Variants in HEATR4 observed in about 807,000 individuals in gnomAD.
HEATR4 encodes the protein HEAT repeat containing 4.
Under a neutral mutation model 108.8 loss-of-function variants are expected in HEATR4, and 95 were observed. That is an observed-to-expected ratio of 0.87 (90% CI 0.74 to 1.04). HEATR4 has a LOEUF of 1.04. Ranked by LOEUF, HEATR4 falls within the 50% of genes least tolerant of loss-of-function variation. The pLI is 0.00. For synonymous variants in HEATR4, 443 were observed against 459.4 expected (o/e 0.96, Z 0.46); for missense variants, 1,152 against 1,253.8 (o/e 0.92, Z 1.23).
chr14:73,481,025 A>AG (rs1218049591), intron 17 of HEATR4: 1 of 151,870 alleles, frequency 6.6e-6, no homozygotes, highest in Admixed American at 6.6e-5. Flanking sequence ...CAAAAAAAAA[A>AG]GAAAGAAAGA....
chr14:73,580,332 C>T, the HEATR4 span, among the ~76,000 whole-genome samples: 2 of 151,894 alleles, frequency 1.3e-5, no homozygotes, highest in Non-Finnish European at 2.9e-5. Context: ...CTTATGTTGC[C>T]CAGGCTGGTC....
chr14:73,590,130 G>A, the HEATR4 span, among the ~76,000 whole-genome samples: 1 of 152,154 alleles, frequency 6.6e-6, no homozygotes. Flanking sequence ...CTGGCAGCCT[G>A]CTTTTATTCC....
rs1355048360 is a variant in HEATR4 at position 73,509,809 on chromosome 14, CCCATATATATATATATATAT to C, written c.1559-356_1559-337del. Among the ~76,000 whole-genome samples the C allele has an allele frequency of 4.6e-3, 24 of 5,192 alleles. 1 individual carries two copies. Among genetic ancestry groups the C allele is most frequent in the Non-Finnish European group, 5.3e-3 (20 of 3,804 alleles). The allele number at this position is 5,192 out of a possible 152,430, so 3.4% of individuals were successfully genotyped here. Reference sequence around the variant, plus strand: ...AAAAGCAACCAATTTGCCCCATGAGCCCATATATATATATATATATATATATATATATATATATATATATA... The same window carrying C: ...AAAAGCAACCAATTTGCCCCATGAGCATATATATATATATATATATATATA... On this transcript the variant is annotated intron_variant, in intron 7 of 17. Transcript: ENST00000553558.
At chr14:73,619,166 T>C in the HEATR4 span, 3 of 1,495,380 alleles carry the variant, frequency 2.0e-6, no homozygotes, top group Non-Finnish European at 2.7e-6. Context: ...TTGGAGAATG[T>C]AAAATCACTG....
chr14:73,584,866 T>C, the HEATR4 span, among the ~76,000 whole-genome samples: 24,389 of 136,574 alleles, frequency 0.18, 1,921 homozygotes, highest in Non-Finnish European at 0.2. Flanking sequence ...TCAACCCCAA[T>C]TTAGACCAGT....
chr14:73,629,746 G>A, the HEATR4 span, among the ~76,000 whole-genome samples: 418 of 151,614 alleles, frequency 2.8e-3, 1 homozygote, highest in Non-Finnish European at 4.7e-3. Context: ...CCGGGTTCAC[G>A]CCATTCTCCT....
In HEATR4 at chr14:73,547,110, C is replaced by T. The variant is rs1194784223; in HGVS notation, c.-152+11641G>A. On this transcript the variant is annotated intron_variant, in intron 1 of 17. Coordinates refer to ENST00000553558, the MANE Select transcript of HEATR4 (RefSeq NM_001220484.1). ...TCAAAAAAAGAAAAAAGACCCGGTG[C>T]GGTGGCTTACGCCTGTAATCCCAGC... is the stretch of plus-strand genomic sequence containing the variant. Among the ~76,000 whole-genome samples the T allele has an allele frequency of 4.6e-5, 5 of 109,656 alleles. 1 individual carries two copies. Among genetic ancestry groups the T allele is most frequent in the African/African-American group, 8.5e-5 (3 of 35,176 alleles). 71.9% of individuals were successfully genotyped at this position (109,656 alleles called of 152,430 possible).
intron 6 of HEATR4, among the ~76,000 whole-genome samples, chr14:73,513,320 A>T (rs1303567533): frequency 6.6e-6 from 1 of 151,908 alleles, no homozygotes; most frequent in Non-Finnish European, 1.5e-5. Flanking sequence ...TTAGCCAGAC[A>T]TCATGGCACA....
At chr14:73,509,026 C>T (rs1261443883) in intron 8 of HEATR4, among the ~76,000 whole-genome samples, 1 of 151,946 alleles carries the variant, frequency 6.6e-6, no homozygotes, top group Non-Finnish European at 1.5e-5. Flanking sequence ...ACCACCGCAC[C>T]TGGCTAATTT....
At chr14:73,619,840 C>T in the HEATR4 span, 2 of 1,585,254 alleles carry the variant, frequency 1.3e-6, no homozygotes, top group East Asian at 4.5e-5. Context: ...CAAAATATAA[C>T]ATTGTAGCCA....
At chr14:73,518,287 C>G (rs1029763771) in intron 5 of HEATR4, among the ~76,000 whole-genome samples, 22 of 151,792 alleles carry the variant, frequency 1.4e-4, no homozygotes, top group Non-Finnish European at 7.4e-5. Context: ...ACCTGTGATT[C>G]CAGCTACCCT....
rs1409882625 is a variant in HEATR4, at chr14:73,546,145, C to G, written c.-152+12606G>C. 1.8e-5 allele frequency among the ~76,000 whole-genome samples: 2 copies of G among 112,068 alleles called. 1 individual carries two copies. Among genetic ancestry groups the G allele is most frequent in the Non-Finnish European group, 3.8e-5 (2 of 51,996 alleles). 73.5% of individuals were successfully genotyped at this position (112,068 alleles called of 152,430 possible). On this transcript the variant is annotated intron_variant, in intron 1 of 17. Transcript: ENST00000553558. ...TACAGGCGCCCACCACCACACCCAG[C>G]TAAATTTTGTATTTTTAGTAGAGAT...
chr14:73,511,565 A>AAAT lies in HEATR4; in HGVS notation c.1558+440_1558+441insATT, dbSNP rs1465740688. Reference sequence around the variant, plus strand: ...TAAATAAATAAATAAATAAATAAATAAAATAAAATAAAAAAGAATGGGCTC... The same window carrying AAAT: ...TAAATAAATAAATAAATAAATAAATAAATAAATAAAATAAAAAAGAATGGGCTC... On this transcript the variant is annotated intron_variant, in intron 7 of 17. Coordinates refer to ENST00000553558, the MANE Select transcript of HEATR4 (RefSeq NM_001220484.1). 4.2e-3 allele frequency among the ~76,000 whole-genome samples: 524 copies of AAAT among 124,642 alleles called. 2 individuals carry two copies. The highest frequency in any genetic ancestry group is 0.015 in the Middle Eastern group (3 of 202). The allele number at this position is 124,642 out of a possible 152,430, so 81.8% of individuals were successfully genotyped here. A position where few individuals can be genotyped will look rare whatever the true frequency, so the allele number is the denominator to read the frequency against.
At chr14:73,592,012 C>T in the HEATR4 span, 38 of 1,433,768 alleles carry the variant, frequency 2.7e-5, no homozygotes, top group South Asian at 4.4e-5. Flanking sequence ...TGGAACGAGC[C>T]GGTGCGCATT....
chr14:73,508,208 G>A lies in HEATR4; in HGVS notation c.1807C>T (p.Gln603Ter). The change falls in exon 9 of 18, where the codon CAG (glutamine) becomes TAG (stop). Residue 603 changes from glutamine to a stop codon, truncating the protein, a stop_gained. Coordinates refer to ENST00000553558, the MANE Select transcript of HEATR4 (RefSeq NM_001220484.1). LOFTEE classifies it high-confidence loss of function. ...TYPVIKRILH[Q>*]LFTKKNEDTE... ...TCCTCATTCTTCTTTGTAAACAGCT[G>A]GTGGAGGATCCTCTTAATCACAGGG... The A allele has an allele frequency of 6.2e-7, 1 of 1,613,864 alleles. No homozygotes were observed.
At position 73,550,046 on chromosome 14, in the gene HEATR4, G is replaced by T. The variant is rs1257524882; in HGVS notation, c.-152+8705C>A. Among the ~76,000 whole-genome samples, 6 of 107,598 alleles carry T rather than the reference G, an allele frequency of 5.6e-5. 1 individual carries two copies. Among genetic ancestry groups the T allele is most frequent in the African/African-American group, 1.3e-4 (4 of 31,866 alleles). The allele number at this position is 107,598 out of a possible 152,430, so 70.6% of individuals were successfully genotyped here. A position where few individuals can be genotyped will look rare whatever the true frequency, so the allele number is the denominator to read the frequency against. On this transcript the variant is annotated intron_variant, in intron 1 of 17. Transcript: ENST00000553558. ...CACAGCATTGGTCATGAGGTCAGCTGCTCTCTGACCCACTTGCTCAGAGTT... is the reference window on the plus strand; with the variant it reads ...CACAGCATTGGTCATGAGGTCAGCTTCTCTCTGACCCACTTGCTCAGAGTT...
the HEATR4 span, among the ~76,000 whole-genome samples, chr14:73,566,913 C>T: frequency 1.3e-5 from 2 of 152,164 alleles, no homozygotes; most frequent in African/African-American, 4.8e-5. Context: ...ACGCCATTCT[C>T]CTGCCTCAGC....
At chr14:73,624,707 G>A in the HEATR4 span, among the ~76,000 whole-genome samples, 6 of 152,158 alleles carry the variant, frequency 3.9e-5, no homozygotes, top group Admixed American at 6.6e-5. Context: ...TACAGCAGAC[G>A]TAAATCCCAG....
intron 2 of HEATR4, among the ~76,000 whole-genome samples, chr14:73,524,310 A>AAAAAAAAAAAAAAATATATATATAT: frequency 5.5e-5 from 3 of 54,778 alleles, no homozygotes; most frequent in African/African-American, 2.6e-4. Context: ...AAAAAAAAAA[A>AAAAAAAAAAAAAAATATATATATAT]ATATATATAT....
Sources: gnomAD v4.1 joint callset for allele counts (sites outside exome capture counted in the v4.1 genomes callset) on GRCh38, gnomAD v4.1.1 for gene constraint, MANE v1.5 for transcripts, NCBI Gene and HGNC (gene_info 2026-07-23, HGNC 2026-07-21) for gene names.